The following UNC5D variants were observed in gnomAD, a reference collection of about 807,000 sequenced individuals.
UNC5D encodes the protein unc-5 netrin receptor D, also known as netrin receptor UNC5D.
Under a neutral mutation model 105.4 loss-of-function variants are expected in UNC5D, and 39 were observed. The observed-to-expected ratio is 0.37, with a 90% CI of 0.29 to 0.48. The LOEUF (loss-of-function observed/expected upper bound fraction) is 0.48. Ranked by LOEUF, UNC5D falls within the 20% of genes least tolerant of loss-of-function variation. UNC5D has a pLI of 0.98. For synonymous variants in UNC5D, 452 were observed against 450.4 expected, an observed-to-expected ratio of 1.00 and a Z score of -0.04; for missense variants, 991 against 1,202.4, an observed-to-expected ratio of 0.82 and a Z score of 2.60.
chr8:35,513,951 A>G (rs1040397147), intron 1 of UNC5D, among the ~76,000 whole-genome samples: 1 of 152,214 alleles, frequency 6.6e-6, no homozygotes, highest in African/African-American at 2.4e-5. Flanking sequence ...CACTTCACCA[A>G]TAGATTTTCT....
intron 1 of UNC5D, among the ~76,000 whole-genome samples, chr8:35,271,956 A>G (rs1449628446): frequency 6.6e-6 from 1 of 151,990 alleles, no homozygotes; most frequent in African/African-American, 2.4e-5. Context: ...TAAGAATATC[A>G]TGGCAAACAC....
chr8:35,764,650 G>A (rs1032841814), intron 14 of UNC5D, among the ~76,000 whole-genome samples: 5 of 152,166 alleles, frequency 3.3e-5, no homozygotes, highest in African/African-American at 1.2e-4. Context: ...GAAGAAAAGA[G>A]ATCATAAGTA....
intron 4 of UNC5D, among the ~76,000 whole-genome samples, chr8:35,599,818 A>G (rs1819729071): frequency 6.6e-6 from 1 of 152,176 alleles, no homozygotes; most frequent in Non-Finnish European, 1.5e-5. Flanking sequence ...TATTATTATT[A>G]TACTTTAAGT....
chr8:35,688,786 G>A (rs1240470858), intron 7 of UNC5D, among the ~76,000 whole-genome samples: 3 of 152,190 alleles, frequency 2.0e-5, no homozygotes, highest in African/African-American at 7.2e-5. Context: ...TTCCACTACA[G>A]GAAAATACAA....
chr8:35,450,609 C>T (rs139681498), intron 1 of UNC5D, among the ~76,000 whole-genome samples: 344 of 152,226 alleles, frequency 2.3e-3, no homozygotes, highest in Non-Finnish European at 3.9e-3. Context: ...AAATATACTT[C>T]AAACAAATGA....
chr8:35,338,300 T>C (rs954198024), intron 1 of UNC5D, among the ~76,000 whole-genome samples: 2 of 152,148 alleles, frequency 1.3e-5, no homozygotes, highest in African/African-American at 4.8e-5. Context: ...TTTTTTTTCT[T>C]TTATGTTGAA....
At chr8:35,548,636 C>G (rs528354068) in intron 1 of UNC5D, among the ~76,000 whole-genome samples, 9 of 152,292 alleles carry the variant, frequency 5.9e-5, no homozygotes, top group African/African-American at 1.9e-4. Context: ...AAGCTCAGAG[C>G]TATTAGCGAT....
chr8:35,305,575 CTT>C (rs753507193), intron 1 of UNC5D, among the ~76,000 whole-genome samples: 7,205 of 97,466 alleles, frequency 0.074, 243 homozygotes, highest in African/African-American at 0.16. Context: ...TTCTTTCTTT[CTT>C]TTTCTTTCTT....
intron 1 of UNC5D, among the ~76,000 whole-genome samples, chr8:35,490,794 C>G (rs1811164336): frequency 6.6e-6 from 1 of 152,116 alleles, no homozygotes; most frequent in Non-Finnish European, 1.5e-5. Context: ...GGGTTTTGAG[C>G]TGTTTGTTAT....
rs921336866 is a variant in UNC5D at position 35,792,184 on chromosome 8, T to A, written c.*1621T>A. The stretch of plus-strand genomic sequence containing the variant: ...ATATGATCCATTTTTTTAAACAAGT[T>A]TTTTGTAGATCCCTTGTAAAATAAT... On this transcript the variant is annotated 3_prime_UTR_variant, in exon 17 of 17. Coordinates refer to ENST00000404895, the MANE Select transcript of UNC5D (RefSeq NM_080872.4). 6.6e-6 allele frequency: 1 copy of A among 152,050 alleles called. No homozygotes were observed. Among genetic ancestry groups the A allele is most frequent in the Non-Finnish European group, 1.5e-5 (1 of 68,018 alleles). 9.4% of individuals were successfully genotyped at this position (152,050 alleles called of 1,614,324 possible).
At chr8:35,310,815 T>A (rs1454525458) in intron 1 of UNC5D, among the ~76,000 whole-genome samples, 1 of 152,020 alleles carries the variant, frequency 6.6e-6, no homozygotes, top group Non-Finnish European at 1.5e-5. Context: ...TTTAAATACC[T>A]CCTTAGAGGT....
At chr8:35,368,806 G>A (rs895670424) in intron 1 of UNC5D, among the ~76,000 whole-genome samples, 1 of 151,952 alleles carries the variant, frequency 6.6e-6, no homozygotes, top group African/African-American at 2.4e-5. Flanking sequence ...ACAGTAGAAA[G>A]CTTCCTCTCT....
chr8:35,444,003 C>G (rs1807609485), intron 1 of UNC5D, among the ~76,000 whole-genome samples: 4 of 151,922 alleles, frequency 2.6e-5, no homozygotes, highest in Admixed American at 2.6e-4. Flanking sequence ...TAAACACATA[C>G]TTTTGTTGAA....
At position 35,770,282 on chromosome 8, in the gene UNC5D, AATAAG is replaced by A. The variant is rs149847832; in HGVS notation, c.2478+3220_2478+3224del. 6.4e-3 allele frequency among the ~76,000 whole-genome samples: 980 copies of A among 152,326 alleles called. 10 individuals are homozygous for A. Among genetic ancestry groups the A allele is most frequent in the Non-Finnish European group, 0.011 (779 of 68,022 alleles). ...CTTTAAATATTGATTTTTAAATATT[AATAAG>A]ATATCTATCTCAAATACTGCTTTAA... On this transcript the variant is annotated intron_variant, in intron 15 of 16. Coordinates refer to ENST00000404895, the MANE Select transcript of UNC5D (RefSeq NM_080872.4).
intron 8 of UNC5D, among the ~76,000 whole-genome samples, chr8:35,711,472 G>A (rs1334957305): frequency 1.3e-5 from 2 of 151,948 alleles, no homozygotes; most frequent in Non-Finnish European, 2.9e-5. Flanking sequence ...GAGCCACCGC[G>A]CTGGCCCCAG....
At chr8:35,643,761 T>C (rs1822891702) in intron 4 of UNC5D, among the ~76,000 whole-genome samples, 1 of 152,134 alleles carries the variant, frequency 6.6e-6, no homozygotes, top group Non-Finnish European at 1.5e-5. Context: ...AAAAATGTTT[T>C]AGGATGCTAA....
chr8:35,776,556 C>A (rs540096658), intron 16 of UNC5D, among the ~76,000 whole-genome samples: 4 of 152,214 alleles, frequency 2.6e-5, no homozygotes, highest in Admixed American at 1.3e-4. Context: ...CAGTGGCTAC[C>A]CTGGAGCCAA....
intron 3 of UNC5D, among the ~76,000 whole-genome samples, chr8:35,592,989 G>C (rs373610887): frequency 1.3e-5 from 2 of 150,754 alleles, no homozygotes; most frequent in East Asian, 3.9e-4. Context: ...GAAGTTCCTT[G>C]AAGTTTCTAG....
Position 35,722,256 on chromosome 8 carries a change from T to C in UNC5D, c.1164T>C (p.Ala388=). 1 of 1,614,134 alleles carries C rather than the reference T, an allele frequency of 6.2e-7. No homozygotes were observed. The highest frequency in any genetic ancestry group is 1.3e-5 in the African/African-American group (1 of 75,058). Residue 388 remains alanine (A), a synonymous_variant, in exon 9 of 17, where the codon GCT becomes GCC. Coordinates refer to ENST00000404895, the MANE Select transcript of UNC5D (RefSeq NM_080872.4). The part of the protein sequence containing the change: ...SDIALYSGLG[A]AVVAVAVLVI... ...TTGCTTTGTACTCGGGCTTGGGTGC[T>C]GCCGTCGTGGCCGTTGCAGTCCTGG...
Sources: allele counts gnomAD v4.1 joint callset (sites outside exome capture counted in the v4.1 genomes callset), GRCh38; gene constraint gnomAD v4.1.1; transcripts MANE v1.5; gene names NCBI Gene and HGNC (gene_info 2026-07-23, HGNC 2026-07-21).